RECK: variants seen among roughly 807,000 people sequenced by gnomAD.
RECK encodes reversion inducing cysteine rich protein with kazal motifs.
A neutral mutation model predicts 115.1 loss-of-function variants in RECK; 69 were observed. The ratio of observed to expected loss-of-function variants is 0.60; its 90% CI spans 0.49 to 0.73. The LOEUF is 0.73. RECK is among the 30% of genes least tolerant of loss of function. The pLI is 0.00. For synonymous variants in RECK, 414 were observed against 419.7 expected (o/e 0.99, Z 0.17); for missense variants, 1,047 against 1,203.7 (o/e 0.87, Z 1.93).
At chr9:36,118,180 C>T (rs1824334112) in intron 17 of RECK, among the ~76,000 whole-genome samples, 1 of 152,160 alleles carries the variant, frequency 6.6e-6, no homozygotes, top group African/African-American at 2.4e-5. Context: ...CTGAAACATG[C>T]TTGTTTTCTC....
chr9:36,090,085 G>A (rs922988315), intron 9 of RECK, among the ~76,000 whole-genome samples: 5 of 152,060 alleles, frequency 3.3e-5, no homozygotes, highest in Non-Finnish European at 5.9e-5. Flanking sequence ...GAACCCAGGA[G>A]GCAGAGGCTG....
chr9:36,069,665 G>T lies in RECK; in HGVS notation c.405+4041G>T, dbSNP rs116237261. Among the ~76,000 whole-genome samples the T allele has an allele frequency of 7.3e-3, 1,109 of 152,088 alleles. 12 individuals are homozygous for T. The highest frequency in any genetic ancestry group is 0.024 in the African/African-American group (988 of 41,476). On this transcript the variant is annotated intron_variant, in intron 6 of 20. Transcript: ENST00000377966. The stretch of plus-strand genomic sequence containing the variant: ...TGGAAAAGAAACACAGAGGGGCATG[G>T]GGCTGAAAAATAGTTTAGGACACAG...
chr9:36,072,612 G>A (rs1025150733), intron 6 of RECK: 2 of 152,196 alleles, frequency 1.3e-5, no homozygotes, highest in African/African-American at 4.8e-5. Context: ...CCAGGATATA[G>A]TAAATAGAAG....
At chr9:36,042,291 G>C (rs998969069) in intron 1 of RECK, among the ~76,000 whole-genome samples, 2 of 151,916 alleles carry the variant, frequency 1.3e-5, no homozygotes, top group African/African-American at 4.8e-5. Context: ...GCTGCCACTT[G>C]ATAAATGAGA....
At chr9:36,106,256 C>T (rs993684488) in intron 13 of RECK, among the ~76,000 whole-genome samples, 1 of 141,844 alleles carries the variant, frequency 7.1e-6, no homozygotes, top group African/African-American at 2.6e-5. Context: ...TTTTTTGAGA[C>T]GGGGTTTCAC....
At chr9:36,083,147 AG>A (rs1409344639) in intron 7 of RECK, among the ~76,000 whole-genome samples, 1 of 152,200 alleles carries the variant, frequency 6.6e-6, no homozygotes, top group African/African-American at 2.4e-5. Flanking sequence ...ACTGGACTAT[AG>A]ACTGTAAGTT....
At chr9:36,057,554 A>G (rs1318607192) in intron 2 of RECK, among the ~76,000 whole-genome samples, 1 of 152,256 alleles carries the variant, frequency 6.6e-6, no homozygotes, top group Non-Finnish European at 1.5e-5. Flanking sequence ...ACGGAGGCTC[A>G]TGCGTGTGGT....
chr9:36,109,855 AGG>A, intron 14 of RECK, 100 bp from the exon 15 acceptor site: 1 of 1,174,206 alleles, frequency 8.5e-7, no homozygotes, highest in Non-Finnish European at 1.2e-6. Context: ...AAAAAAAAAA[AGG>A]AATTTCCATT....
At chr9:36,065,009 A>G (rs994681476) in intron 5 of RECK, among the ~76,000 whole-genome samples, 2 of 152,116 alleles carry the variant, frequency 1.3e-5, no homozygotes, top group African/African-American at 4.8e-5. Context: ...TCATCTGTAG[A>G]GGGGTTAGTA....
intron 15 of RECK, among the ~76,000 whole-genome samples, chr9:36,110,877 A>G (rs1274014481): frequency 6.6e-6 from 1 of 152,148 alleles, no homozygotes; most frequent in Non-Finnish European, 1.5e-5. Context: ...CCCATTGGAA[A>G]TAAAAAGGGG....
At chr9:36,115,476 C>T (rs946313979) in intron 16 of RECK, among the ~76,000 whole-genome samples, 1 of 151,982 alleles carries the variant, frequency 6.6e-6, no homozygotes, top group Non-Finnish European at 1.5e-5. Flanking sequence ...CCCCCAGATT[C>T]TCAACCTTTT....
intron 17 of RECK, among the ~76,000 whole-genome samples, 159 bp from the exon 18 acceptor site, chr9:36,118,598 C>G (rs141463499): frequency 6.6e-6 from 1 of 152,134 alleles, no homozygotes; most frequent in Admixed American, 6.5e-5. Flanking sequence ...GCCACCACCA[C>G]CCCCAGCATT....
chr9:36,105,297 G>T lies in RECK; in HGVS notation c.1576+14G>T, dbSNP rs1823755569. Reference sequence around the variant, plus strand: ...TTTGTGTTCAAGGTAAGAGGTAGGTGGGTGTGAGAAGAGGATGGATAGGTG... The same window carrying T: ...TTTGTGTTCAAGGTAAGAGGTAGGTTGGTGTGAGAAGAGGATGGATAGGTG... On this transcript the variant is annotated intron_variant, in intron 13 of 20. Transcript: ENST00000377966. The T allele has an allele frequency of 2.5e-6, 4 of 1,613,676 alleles. No homozygotes were observed. The highest frequency in any genetic ancestry group is 2.5e-6 in the Non-Finnish European group (3 of 1,179,726).
intron 6 of RECK, among the ~76,000 whole-genome samples, chr9:36,073,247 C>CACAG (rs1732732017): frequency 6.9e-6 from 1 of 145,490 alleles, no homozygotes; most frequent in South Asian, 2.1e-4. Flanking sequence ...CACAGACACA[C>CACAG]ACACACACAC....
intron 18 of RECK, among the ~76,000 whole-genome samples, chr9:36,119,304 A>G (rs78979925): frequency 0.025 from 3,849 of 152,350 alleles, 176 homozygotes; most frequent in African/African-American, 0.088. Flanking sequence ...AAGTTAACAA[A>G]TAACGAATTA....
intron 10 of RECK, among the ~76,000 whole-genome samples, chr9:36,096,594 A>G (rs1346909822): frequency 6.6e-6 from 1 of 152,118 alleles, no homozygotes; most frequent in Non-Finnish European, 1.5e-5. Flanking sequence ...TCAACAAATA[A>G]TACTAGAATA....
At chr9:36,046,582 A>G (rs1050895226) in intron 1 of RECK, among the ~76,000 whole-genome samples, 8 of 152,196 alleles carry the variant, frequency 5.3e-5, no homozygotes. Flanking sequence ...TCAAGAGAAG[A>G]CATATGCTGT....
intron 4 of RECK, among the ~76,000 whole-genome samples, chr9:36,060,903 C>T (rs942591606): frequency 3.9e-5 from 6 of 152,128 alleles, no homozygotes; most frequent in Middle Eastern, 3.2e-3. Context: ...CTCATAACTG[C>T]ACCTCTTGTG....
intron 6 of RECK, among the ~76,000 whole-genome samples, chr9:36,075,866 C>A (rs921833909): frequency 5.9e-5 from 9 of 151,972 alleles, no homozygotes; most frequent in Non-Finnish European, 1.3e-4. Flanking sequence ...GGTCTTTGTC[C>A]AAAAGTAACT....
Sources: gnomAD v4.1 joint callset for allele counts (sites outside exome capture counted in the v4.1 genomes callset) on GRCh38, gnomAD v4.1.1 for gene constraint, MANE v1.5 for transcripts, NCBI Gene and HGNC (gene_info 2026-07-23, HGNC 2026-07-21) for gene names.